LUZP2: variants seen among roughly 807,000 people sequenced by gnomAD.
LUZP2 encodes the protein leucine zipper protein 2.
A neutral mutation model predicts 51.6 loss-of-function variants in LUZP2; 52 were observed. The observed-to-expected ratio is 1.01, with a 90% CI of 0.81 to 1.27. The LOEUF is 1.27. Among genes scored for constraint, LUZP2 ranks in the 50% most tolerant of loss-of-function variants. LUZP2 has a pLI of 0.00. For synonymous variants in LUZP2, 154 were observed against 137.3 expected, an observed-to-expected ratio of 1.12 and a Z score of -0.85; for missense variants, 436 against 395.4, an observed-to-expected ratio of 1.10 and a Z score of -0.87.
At chr11:24,973,183 T>G (rs561085342) in intron 7 of LUZP2, among the ~76,000 whole-genome samples, 1 of 151,340 alleles carries the variant, frequency 6.6e-6, no homozygotes, top group East Asian at 1.9e-4. Context: ...GGTGTTTGTT[T>G]CTAGGAACTT....
chr11:24,786,195 A>G (rs945265052), intron 5 of LUZP2: 28 of 963,508 alleles, frequency 2.9e-5, no homozygotes, highest in Non-Finnish European at 3.3e-5. Flanking sequence ...CATATTATAT[A>G]TTTTATAATT....
chr11:25,061,324 A>G (rs1407171653), intron 10 of LUZP2, among the ~76,000 whole-genome samples: 1 of 152,166 alleles, frequency 6.6e-6, no homozygotes, highest in African/African-American at 2.4e-5. Context: ...TGATCATATA[A>G]TAATATTGTG....
chr11:24,722,609 G>C lies in LUZP2; in HGVS notation c.63-6560G>C, dbSNP rs540946528. On this transcript the variant is annotated intron_variant, in intron 1 of 11. Coordinates refer to ENST00000336930, the MANE Select transcript of LUZP2 (RefSeq NM_001009909.4). ...TATTATCAACAACTCTTCATTAAAA[G>C]ATACCATTAAGAGATTGAAAATTCA... Among the ~76,000 whole-genome samples, 4 of 152,152 alleles carry C rather than the reference G, an allele frequency of 2.6e-5. No individual in the cohort carries two copies. In the South Asian group the frequency reaches 8.3e-4, roughly 32 times the overall value.
chr11:24,755,889 AAG>A (rs1482499639), intron 4 of LUZP2, among the ~76,000 whole-genome samples: 1 of 152,118 alleles, frequency 6.6e-6, no homozygotes, highest in African/African-American at 2.4e-5. Flanking sequence ...TTTATCTGTA[AAG>A]AGTCTTTATT....
At chr11:24,983,445 A>G (rs1412071701) in intron 9 of LUZP2, 152 bp downstream of exon 9, 5 of 745,076 alleles carry the variant, frequency 6.7e-6, no homozygotes, top group Non-Finnish European at 1.1e-5. Context: ...CCCAGCTTGT[A>G]AAATCTCCAT....
intron 1 of LUZP2, among the ~76,000 whole-genome samples, chr11:24,672,450 A>G (rs1390723717): frequency 2.6e-5 from 4 of 152,228 alleles, no homozygotes; most frequent in Admixed American, 2.0e-4. Context: ...ATATGCTACT[A>G]TATTTAATTC....
chr11:24,775,768 GA>G (rs552968657), intron 5 of LUZP2, among the ~76,000 whole-genome samples: 178 of 152,250 alleles, frequency 1.2e-3, no homozygotes, highest in African/African-American at 4.0e-3. Context: ...CTCTGAGAGA[GA>G]GATAGCTAGT....
rs1240244029 is a variant in LUZP2 at position 25,071,854 on chromosome 11, AAAAT to A, written c.859-5466_859-5463del. On this transcript the variant is annotated intron_variant, in intron 10 of 11. Coordinates refer to ENST00000336930, the MANE Select transcript of LUZP2 (RefSeq NM_001009909.4). The stretch of plus-strand genomic sequence containing the variant: ...TAAAAAATTTAAAAAAAGATAAAAA[AAAAT>A]AAATAAATCACACATGATGAAAAAG... Among the ~76,000 whole-genome samples, 4 of 151,646 alleles carry A rather than the reference AAAAT, an allele frequency of 2.6e-5. No individual in the cohort carries two copies. The East Asian group carries it at 7.8e-4, about 30-fold the overall frequency.
intron 1 of LUZP2, among the ~76,000 whole-genome samples, chr11:24,675,882 G>A (rs1251038409): frequency 1.3e-5 from 2 of 151,446 alleles, no homozygotes; most frequent in East Asian, 1.9e-4. Context: ...ACAGTGGTGC[G>A]ATCTCGGCTC....
intron 1 of LUZP2, among the ~76,000 whole-genome samples, chr11:24,627,498 G>A (rs1854723194): frequency 6.6e-6 from 1 of 152,134 alleles, no homozygotes; most frequent in Non-Finnish European, 1.5e-5. Flanking sequence ...AAAGAAATCA[G>A]GTATTTAACT....
chr11:24,761,851 T>G (rs962944443), intron 4 of LUZP2, among the ~76,000 whole-genome samples: 2 of 152,088 alleles, frequency 1.3e-5, no homozygotes, highest in African/African-American at 4.8e-5. Context: ...GTAATAGTAT[T>G]TATTTTTCAT....
chr11:24,530,960 T>C (rs1339729490), intron 1 of LUZP2, among the ~76,000 whole-genome samples: 11 of 149,864 alleles, frequency 7.3e-5, no homozygotes, highest in Non-Finnish European at 7.5e-5. Context: ...CCCTATAACA[T>C]CTGTGTTCTA....
intron 9 of LUZP2, among the ~76,000 whole-genome samples, chr11:24,999,286 A>T (rs1241359442): frequency 6.6e-6 from 1 of 151,990 alleles, no homozygotes; most frequent in Non-Finnish European, 1.5e-5. Context: ...ATAGTAAACC[A>T]TGGGGAGATA....
chr11:24,746,665 T>A lies in LUZP2; in HGVS notation c.333+8363T>A, dbSNP rs530642798. Among the ~76,000 whole-genome samples the A allele has an allele frequency of 5.9e-5, 9 of 152,328 alleles. No homozygotes were observed. In the South Asian group the frequency reaches 1.9e-3, roughly 32 times the overall value. ...TAGGTTTTCCAAACTTTTAGATTTA[T>A]CTTCTTTCACAGGAACACTGATTTT... On this transcript the variant is annotated intron_variant, in intron 4 of 11. Coordinates refer to ENST00000336930, the MANE Select transcript of LUZP2 (RefSeq NM_001009909.4).
intron 4 of LUZP2, among the ~76,000 whole-genome samples, chr11:24,758,711 A>G (rs1337860522): frequency 6.6e-6 from 1 of 152,080 alleles, no homozygotes; most frequent in Non-Finnish European, 1.5e-5. Flanking sequence ...TTTTAGATTT[A>G]AGAGCAGATA....
intron 7 of LUZP2, among the ~76,000 whole-genome samples, chr11:24,954,945 T>C (rs12271815): frequency 0.084 from 12,707 of 151,960 alleles, 1,757 homozygotes; most frequent in African/African-American, 0.28. Flanking sequence ...TACCAAATAA[T>C]TTTCCACAAC....
intron 5 of LUZP2, among the ~76,000 whole-genome samples, chr11:24,765,622 C>CTTTTTCTTTTTTTTTT (rs1565125450): frequency 7.8e-6 from 1 of 127,766 alleles, no homozygotes; most frequent in Admixed American, 7.7e-5. Flanking sequence ...CCTTTTTTTT[C>CTTTTTCTTTTTTTTTT]TTTTTTCTTT....
chr11:24,920,783 T>G (rs1854025924), intron 7 of LUZP2, among the ~76,000 whole-genome samples: 1 of 151,558 alleles, frequency 6.6e-6, no homozygotes, highest in Non-Finnish European at 1.5e-5. Context: ...GGATAATGAG[T>G]ACTCAGAAGG....
chr11:24,855,805 A>G (rs1020657675), intron 5 of LUZP2, among the ~76,000 whole-genome samples: 3 of 152,152 alleles, frequency 2.0e-5, no homozygotes, highest in African/African-American at 7.2e-5. Flanking sequence ...AAATAAAGGT[A>G]CATATCCACA....
Sources: gnomAD v4.1 joint callset for allele counts (sites outside exome capture counted in the v4.1 genomes callset) on GRCh38, gnomAD v4.1.1 for gene constraint, MANE v1.5 for transcripts, NCBI Gene and HGNC (gene_info 2026-07-23, HGNC 2026-07-21) for gene names.